Variants in EDIL3 observed in about 807,000 individuals in gnomAD.
EDIL3 encodes the protein EGF-like repeat and discoidin I-like domain-containing protein 3.
A neutral mutation model predicts 67.4 loss-of-function variants in EDIL3; 37 were observed. That is an observed-to-expected ratio of 0.55 (90% CI 0.42 to 0.72). The LOEUF is 0.72. EDIL3 is among the 30% of genes least tolerant of loss of function. EDIL3 has a pLI of 0.00. For synonymous variants in EDIL3, 195 were observed against 196.3 expected (o/e 0.99, Z 0.05); for missense variants, 527 against 586.3 (o/e 0.90, Z 1.04).
intron 1 of EDIL3, among the ~76,000 whole-genome samples, chr5:84,312,693 G>A (rs1414502918): frequency 6.6e-6 from 1 of 151,418 alleles, no homozygotes; most frequent in African/African-American, 2.4e-5. Flanking sequence ...CCAGGCAGAG[G>A]CGCCCCTCAC....
rs568627246 is a variant in EDIL3, at chr5:84,246,433, T to G, written c.196+7651A>C. 2.6e-5 allele frequency among the ~76,000 whole-genome samples: 4 copies of G among 152,368 alleles called. No homozygotes were observed. The East Asian group carries it at 7.7e-4, about 29-fold the overall frequency. On this transcript the variant is annotated intron_variant, in intron 2 of 10. Coordinates refer to ENST00000296591, the MANE Select transcript of EDIL3 (RefSeq NM_005711.5). ...AAAGACGTAAAAGATGTTCCAGAGATGAATATCCACTTAGCTGTCTCACAC... is the reference window on the plus strand; with the variant it reads ...AAAGACGTAAAAGATGTTCCAGAGAGGAATATCCACTTAGCTGTCTCACAC...
At chr5:84,219,918 A>C (rs1311502365) in intron 3 of EDIL3, among the ~76,000 whole-genome samples, 1 of 151,984 alleles carries the variant, frequency 6.6e-6, no homozygotes, top group African/African-American at 2.4e-5. Context: ...ATTTACGGAG[A>C]TAGAGAGTAG....
chr5:84,233,676 T>C (rs953028545), intron 2 of EDIL3, among the ~76,000 whole-genome samples: 1 of 152,146 alleles, frequency 6.6e-6, no homozygotes, highest in African/African-American at 2.4e-5. Flanking sequence ...TGTGACCCAT[T>C]TGGGGACAAG....
At chr5:83,990,483 C>CAT (rs1406807972) in intron 9 of EDIL3, among the ~76,000 whole-genome samples, 1 of 86,064 alleles carries the variant, frequency 1.2e-5, no homozygotes, top group African/African-American at 4.2e-5. Flanking sequence ...GAGACTCCAT[C>CAT]ACAAAAAAAA....
chr5:84,009,248 T>C (rs113244699), intron 9 of EDIL3, among the ~76,000 whole-genome samples: 3,602 of 152,308 alleles, frequency 0.024, 114 homozygotes, highest in African/African-American at 0.08. Flanking sequence ...CTTAATGAGG[T>C]TTATTTCTGT....
chr5:84,219,774 T>G (rs181563106), intron 3 of EDIL3, among the ~76,000 whole-genome samples: 2 of 152,186 alleles, frequency 1.3e-5, no homozygotes, highest in Non-Finnish European at 2.9e-5. Flanking sequence ...TGGAGTACTA[T>G]TCAGTCATAA....
At chr5:84,129,132 G>A (rs1480636414) in intron 5 of EDIL3, among the ~76,000 whole-genome samples, 1 of 152,070 alleles carries the variant, frequency 6.6e-6, no homozygotes, top group Non-Finnish European at 1.5e-5. Flanking sequence ...GTAACATTTG[G>A]AAAATCAGAG....
At chr5:84,015,917 G>T (rs1745596507) in intron 9 of EDIL3, among the ~76,000 whole-genome samples, 1 of 151,998 alleles carries the variant, frequency 6.6e-6, no homozygotes, top group Non-Finnish European at 1.5e-5. Context: ...AGGTTCAGGG[G>T]TGCATGTGAA....
intron 1 of EDIL3, among the ~76,000 whole-genome samples, chr5:84,338,127 C>G (rs765833076): frequency 7.9e-5 from 12 of 152,088 alleles, no homozygotes; most frequent in Non-Finnish European, 1.5e-4. Context: ...TACTAATACT[C>G]TTTACTAATA....
chr5:84,098,902 C>A (rs984420684), intron 6 of EDIL3, among the ~76,000 whole-genome samples: 4 of 152,042 alleles, frequency 2.6e-5, no homozygotes, highest in African/African-American at 7.2e-5. Flanking sequence ...CAAAAAGTAA[C>A]AAACTCAGAG....
chr5:84,008,934 T>TC (rs948872856), intron 9 of EDIL3, among the ~76,000 whole-genome samples: 1 of 152,158 alleles, frequency 6.6e-6, no homozygotes, highest in Non-Finnish European at 1.5e-5. Context: ...TGCCTCAGCC[T>TC]CCCGAGTAGC....
At chr5:84,142,671 GAAGACA>G (rs2112322176) in intron 4 of EDIL3, among the ~76,000 whole-genome samples, 1 of 151,938 alleles carries the variant, frequency 6.6e-6, no homozygotes, top group East Asian at 1.9e-4. Context: ...TCCTCCTAGA[GAAGACA>G]AAGACAATGT....
chr5:84,367,324 A>T (rs1747759698), intron 1 of EDIL3, among the ~76,000 whole-genome samples: 1 of 152,102 alleles, frequency 6.6e-6, no homozygotes. Flanking sequence ...CCCAAGCTGG[A>T]ATGCAGTGGT....
chr5:84,093,548 C>T (rs889333939), intron 6 of EDIL3, among the ~76,000 whole-genome samples: 4 of 151,654 alleles, frequency 2.6e-5, no homozygotes, highest in East Asian at 1.9e-4. Context: ...TGTATTGAAG[C>T]GCAGAGGCAG....
chr5:84,356,510 G>C (rs1747483742), intron 1 of EDIL3, among the ~76,000 whole-genome samples: 1 of 152,176 alleles, frequency 6.6e-6, no homozygotes, highest in South Asian at 2.1e-4. Context: ...CGATCACTCT[G>C]ACTCTTCTTC....
chr5:84,082,622 G>A (rs1746989744), intron 6 of EDIL3, among the ~76,000 whole-genome samples: 2 of 151,944 alleles, frequency 1.3e-5, no homozygotes, highest in Non-Finnish European at 2.9e-5. Flanking sequence ...TCTTAAATTT[G>A]CATTTCAAAA....
In EDIL3 at chr5:84,073,316, T is replaced by A. The variant is rs1746780263; in HGVS notation, c.652-6710A>T. Among the ~76,000 whole-genome samples the A allele has an allele frequency of 2.0e-5, 3 of 152,156 alleles. No homozygotes were observed. The South Asian group carries it at 6.2e-4, about 31-fold the overall frequency. ...CAAGGATGCCCTCTCTCACCACTCC[T>A]ATTCAACATAGTGTTGGAAGTTCTG... On this transcript the variant is annotated intron_variant, in intron 6 of 10. Coordinates refer to ENST00000296591, the MANE Select transcript of EDIL3 (RefSeq NM_005711.5).
chr5:84,068,720 CA>C (rs1746684918), intron 6 of EDIL3, among the ~76,000 whole-genome samples: 1 of 152,108 alleles, frequency 6.6e-6, no homozygotes, highest in South Asian at 2.1e-4. Context: ...TATAAAAATA[CA>C]GGCTCAGGCT....
intron 1 of EDIL3, among the ~76,000 whole-genome samples, chr5:84,304,662 C>A (rs894343449): frequency 6.6e-6 from 1 of 152,132 alleles, no homozygotes; most frequent in East Asian, 1.9e-4. Context: ...TATAAAGGAT[C>A]TGATGAATGA....
Sources: allele counts gnomAD v4.1 joint callset (sites outside exome capture counted in the v4.1 genomes callset), GRCh38; gene constraint gnomAD v4.1.1; transcripts MANE v1.5; gene names NCBI Gene and HGNC (gene_info 2026-07-23, HGNC 2026-07-21).